Variants in FRMPD4 observed in about 807,000 individuals in gnomAD.
FRMPD4 encodes FERM and PDZ domain-containing protein 4.
FRMPD4 carries 22 observed loss-of-function variants against 94.1 expected under a neutral mutation model. The ratio of observed to expected loss-of-function variants is 0.23; its 90% confidence interval spans 0.17 to 0.33. FRMPD4 has a LOEUF of 0.33. Ranked by LOEUF, FRMPD4 falls within the 10% of genes least tolerant of loss-of-function variation. The pLI is 1.00. For synonymous variants in FRMPD4, 631 were observed against 548.6 expected (o/e 1.15, Z -2.10); for missense variants, 1,111 against 1,339.9 (o/e 0.83, Z 2.67).
chrX:12,431,426 C>T (rs928010488), intron 1 of FRMPD4, among the ~76,000 whole-genome samples: 3 of 112,511 alleles, frequency 2.7e-5, no homozygotes, highest in African/African-American at 9.7e-5. Flanking sequence ...GAGACATTTA[C>T]TGACTACCTA....
At chrX:12,359,336 C>G (rs372578854) in intron 1 of FRMPD4, among the ~76,000 whole-genome samples, 1 of 112,162 alleles carries the variant, frequency 8.9e-6, no homozygotes, top group South Asian at 3.7e-4. Context: ...AAATATTACT[C>G]TCAACTTAAT....
chrX:11,983,926 A>G (rs2054411564), intron 3 of FRMPD4, among the ~76,000 whole-genome samples: 2 of 112,474 alleles, frequency 1.8e-5, no homozygotes, highest in African/African-American at 3.2e-5. Context: ...GTCCATCCCT[A>G]AAGAACTGAG....
At chrX:11,895,520 G>T (rs1188745309) in intron 3 of FRMPD4, among the ~76,000 whole-genome samples, 1 of 111,334 alleles carries the variant, frequency 9.0e-6, no homozygotes, top group Non-Finnish European at 1.9e-5. Context: ...TGAGACTTAG[G>T]TTCATCCAAT....
intron 2 of FRMPD4, among the ~76,000 whole-genome samples, chrX:12,531,633 A>G (rs1256667451): frequency 8.9e-6 from 1 of 111,762 alleles, no homozygotes; most frequent in Non-Finnish European, 1.9e-5. Context: ...TTAAGGTATC[A>G]TTCAATATTG....
chrX:11,851,950 CAAAAAAA>C (rs201359187), intron 1 of FRMPD4, among the ~76,000 whole-genome samples: 2 of 69,050 alleles, frequency 2.9e-5, no homozygotes, highest in East Asian at 9.1e-4. Context: ...AAATATTATA[CAAAAAAA>C]AAAAAAAAAA....
At chrX:12,480,577 T>C (rs901449153) in intron 1 of FRMPD4, among the ~76,000 whole-genome samples, 3 of 111,694 alleles carry the variant, frequency 2.7e-5, no homozygotes, top group Admixed American at 9.5e-5. Flanking sequence ...GAGTACTCCC[T>C]CTTTTCACTA....
intron 3 of FRMPD4, among the ~76,000 whole-genome samples, chrX:12,068,530 C>A (rs1036198741): frequency 1.8e-5 from 2 of 111,769 alleles, no homozygotes; most frequent in Non-Finnish European, 3.8e-5. Flanking sequence ...TGTGTTGTTA[C>A]CTTTTGACCC....
chrX:11,994,119 C>A (rs1020308846), intron 3 of FRMPD4, among the ~76,000 whole-genome samples: 2 of 110,546 alleles, frequency 1.8e-5, no homozygotes, highest in Non-Finnish European at 3.8e-5. Context: ...TTTGTTTTCA[C>A]AATTGCACGA....
chrX:12,095,724 A>C, intron 3 of FRMPD4, among the ~76,000 whole-genome samples: 1 of 112,263 alleles, frequency 8.9e-6, no homozygotes, highest in East Asian at 2.8e-4. Context: ...GCCACACAGA[A>C]AGTCTGCCTC....
chrX:12,069,195 A>T (rs2054945733), intron 3 of FRMPD4, among the ~76,000 whole-genome samples: 1 of 111,741 alleles, frequency 8.9e-6, no homozygotes. Flanking sequence ...GTTCAATGAC[A>T]TATAAAGAGA....
rs752078008 is a variant in FRMPD4, at chrX:12,037,781, A to T, written c.95+159763A>T. ...CAGTGTCTTGCTGTTCTCCTCTTGC[A>T]TTCATGTGTTCTCATCATTTGACTC... is the stretch of plus-strand genomic sequence containing the variant. On this transcript the variant is annotated intron_variant, in intron 3 of 18. Coordinates refer to the FRMPD4 transcript ENST00000640291. Among the ~76,000 whole-genome samples, 7 of 110,596 alleles carry T rather than the reference A, an allele frequency of 6.3e-5. No homozygotes were observed. In the East Asian group the frequency reaches 2.0e-3, roughly 31 times the overall value.
At chrX:12,096,970 A>T (rs988259099) in intron 3 of FRMPD4, among the ~76,000 whole-genome samples, 3 of 111,174 alleles carry the variant, frequency 2.7e-5, no homozygotes, top group Non-Finnish European at 3.8e-5. Flanking sequence ...GCCTAAACCA[A>T]AAAAAAAGTG....
At chrX:12,317,599 A>C (rs771441729) in intron 1 of FRMPD4, among the ~76,000 whole-genome samples, 227 of 106,208 alleles carry the variant, frequency 2.1e-3, no homozygotes, top group Middle Eastern at 0.02. Flanking sequence ...AAAAAAAAAA[A>C]AAAACAAAAA....
intron 2 of FRMPD4, among the ~76,000 whole-genome samples, chrX:12,605,124 G>C (rs1187121307): frequency 2.7e-5 from 3 of 112,090 alleles, no homozygotes; most frequent in Non-Finnish European, 3.8e-5. Context: ...AGGCAGTCTG[G>C]CTCCAAAGTC....
chrX:12,714,295 C>T (rs778083272), intron 14 of FRMPD4, among the ~76,000 whole-genome samples: 2 of 111,253 alleles, frequency 1.8e-5, no homozygotes, highest in Non-Finnish European at 3.8e-5. Flanking sequence ...GAGGATTTCT[C>T]GTTACCGCCT....
chrX:12,695,427 G>A (rs1174749419), intron 9 of FRMPD4, among the ~76,000 whole-genome samples: 1 of 110,473 alleles, frequency 9.1e-6, no homozygotes, highest in Admixed American at 9.7e-5. Flanking sequence ...ATTTTGAGAC[G>A]GAATCTTGCT....
At chrX:11,872,996 T>C (rs1474354560) in intron 2 of FRMPD4, among the ~76,000 whole-genome samples, 1 of 112,182 alleles carries the variant, frequency 8.9e-6, no homozygotes, top group African/African-American at 3.2e-5. Flanking sequence ...AAGTTAACCA[T>C]AGAAATTCCA....
intron 1 of FRMPD4, among the ~76,000 whole-genome samples, chrX:12,147,565 G>A (rs1013945447): frequency 9.0e-6 from 1 of 111,593 alleles, no homozygotes; most frequent in African/African-American, 3.3e-5. Context: ...GGTATAGATG[G>A]TATTATAATT....
chrX:12,111,221 G>A (rs189669373), intron 3 of FRMPD4, among the ~76,000 whole-genome samples: 57 of 111,708 alleles, frequency 5.1e-4, no homozygotes, highest in African/African-American at 1.8e-3. Context: ...TCAAAACAGA[G>A]TTATAGACCA....
Sources: gnomAD v4.1 joint callset for allele counts (sites outside exome capture counted in the v4.1 genomes callset) on GRCh38, gnomAD v4.1.1 for gene constraint, MANE v1.5 for transcripts, NCBI Gene and HGNC (gene_info 2026-07-23, HGNC 2026-07-21) for gene names.